The following PCNX1 variants were observed in gnomAD, a reference collection of about 807,000 sequenced individuals.
The protein encoded by PCNX1 is pecanex 1.
PCNX1 carries 78 observed loss-of-function variants against 242.2 expected under a neutral mutation model. The ratio of observed to expected loss-of-function variants is 0.32; its 90% CI spans 0.27 to 0.39. The LOEUF is 0.39. PCNX1 is among the 10% of genes least tolerant of loss of function. The pLI, the probability that PCNX1 is intolerant of heterozygous loss-of-function variation, is 1.00. For missense variants in PCNX1, 2,581 were observed against 2,856.5 expected, an observed-to-expected ratio of 0.90 and a Z score of 2.20; for synonymous variants, 1,024 against 1,032.9, an observed-to-expected ratio of 0.99 and a Z score of 0.17.
Position 70,977,507 on chromosome 14 carries a change from C to T in PCNX1, c.1170C>T (p.Asp390=), listed in dbSNP as rs1328146554. 1 of 1,614,120 alleles carries T rather than the reference C, an allele frequency of 6.2e-7. No homozygotes were observed. The highest frequency in any genetic ancestry group is 1.1e-5 in the South Asian group (1 of 91,086). The change falls in exon 6 of 36, where the codon GAC becomes GAT. Residue 390 remains aspartate, a synonymous_variant. Transcript: ENST00000304743. The part of the protein sequence containing the change: ...GSTESYCSGT[D]RDTNSTVSSY... ...CAGAAAGCTACTGCAGTGGAACGGA[C>T]CGGGACACTAACAGTACTGTCAGCA...
chr14:70,951,356 AT>A (rs2057770131), intron 2 of PCNX1, among the ~76,000 whole-genome samples: 1 of 151,136 alleles, frequency 6.6e-6, no homozygotes, highest in African/African-American at 2.4e-5. Flanking sequence ...TGATATTATT[AT>A]TTTTTTGGGG....
At chr14:70,989,799 T>A (rs1355675566) in intron 7 of PCNX1, among the ~76,000 whole-genome samples, 2 of 152,164 alleles carry the variant, frequency 1.3e-5, no homozygotes, top group East Asian at 3.8e-4. Flanking sequence ...CGCAAAGTGC[T>A]GGAATTAGGG....
intron 1 of PCNX1, among the ~76,000 whole-genome samples, chr14:70,911,316 G>A (rs1216226861): frequency 2.1e-5 from 3 of 142,742 alleles, no homozygotes; most frequent in South Asian, 4.8e-4. Flanking sequence ...TGGAGAGATC[G>A]TACATTAAGT....
intron 30 of PCNX1, among the ~76,000 whole-genome samples, chr14:71,091,398 C>T (rs2062126394): frequency 6.6e-6 from 1 of 152,176 alleles, no homozygotes; most frequent in Non-Finnish European, 1.5e-5. Flanking sequence ...AACAATTCTA[C>T]TTCTAGATGT....
At chr14:71,061,960 G>A (rs188783792) in intron 26 of PCNX1, among the ~76,000 whole-genome samples, 1 of 152,100 alleles carries the variant, frequency 6.6e-6, no homozygotes, top group Non-Finnish European at 1.5e-5. Flanking sequence ...ACAGTGAAGG[G>A]TTTTAGCAGA....
chr14:71,018,974 A>G, intron 11 of PCNX1, 35 bp from the exon 12 acceptor site: 1 of 1,562,366 alleles, frequency 6.4e-7, no homozygotes, highest in African/African-American at 1.4e-5. Flanking sequence ...TCTTATACTT[A>G]AGATATACTT....
At chr14:70,950,154 C>T (rs1218434370) in intron 2 of PCNX1, among the ~76,000 whole-genome samples, 5 of 152,030 alleles carry the variant, frequency 3.3e-5, no homozygotes, top group Non-Finnish European at 2.9e-5. Context: ...TAATTAAACA[C>T]GTATTTTAGC....
At chr14:70,919,115 C>T (rs1024456469) in intron 1 of PCNX1, among the ~76,000 whole-genome samples, 3 of 151,916 alleles carry the variant, frequency 2.0e-5, no homozygotes, top group African/African-American at 7.3e-5. Flanking sequence ...AACTCCTGGC[C>T]TCAAATGATC....
chr14:71,031,447 C>G (rs1306238862), intron 16 of PCNX1, among the ~76,000 whole-genome samples: 2 of 152,192 alleles, frequency 1.3e-5, no homozygotes, highest in Admixed American at 1.3e-4. Flanking sequence ...GTCCAGAAGC[C>G]CTGGCACAGG....
At chr14:70,983,914 T>C (rs1162512272) in intron 6 of PCNX1, among the ~76,000 whole-genome samples, 2 of 151,450 alleles carry the variant, frequency 1.3e-5, no homozygotes, top group Non-Finnish European at 3.0e-5. Context: ...TTAGATAAAG[T>C]GGATTTCATG....
intron 31 of PCNX1, among the ~76,000 whole-genome samples, chr14:71,102,917 T>G (rs1028633057): frequency 6.6e-6 from 1 of 152,190 alleles, no homozygotes; most frequent in Non-Finnish European, 1.5e-5. Flanking sequence ...GTTAAATAGT[T>G]CATTCTAACT....
chr14:70,958,978 T>C (rs151049952), intron 2 of PCNX1, among the ~76,000 whole-genome samples: 4 of 131,358 alleles, frequency 3.0e-5, no homozygotes, highest in African/African-American at 1.1e-4. Context: ...TCCTCTGTAA[T>C]GTCCAACACA....
chr14:70,956,458 C>T (rs944301071), intron 2 of PCNX1, among the ~76,000 whole-genome samples: 6 of 151,974 alleles, frequency 3.9e-5, no homozygotes, highest in Admixed American at 2.0e-4. Context: ...ACTCAGGAGG[C>T]GGAGGTGGGA....
intron 6 of PCNX1, among the ~76,000 whole-genome samples, chr14:70,987,268 A>G (rs1183753537): frequency 1.3e-5 from 2 of 152,218 alleles, no homozygotes; most frequent in Non-Finnish European, 2.9e-5. Context: ...GAAATGTTCT[A>G]TATCTGCACT....
intron 16 of PCNX1, chr14:71,031,576 G>T (rs2060384883): frequency 2.0e-6 from 1 of 491,698 alleles, no homozygotes; most frequent in Admixed American, 3.0e-5. Flanking sequence ...TGAGACAGAA[G>T]GGGACTCAGT....
At position 70,946,787 on chromosome 14, in the gene PCNX1, G is replaced by T. The variant is rs1331299089; in HGVS notation, c.154-128G>T. The T allele has an allele frequency of 4.2e-6, 3 of 709,426 alleles. No homozygotes were observed. In the African/African-American group the frequency reaches 5.4e-5, roughly 13 times the overall value. The allele number at this position is 709,426 out of a possible 1,614,324, so 43.9% of individuals were successfully genotyped here. A position where few individuals can be genotyped will look rare whatever the true frequency, so the allele number is the denominator to read the frequency against. On this transcript the variant is annotated intron_variant, in intron 1 of 35. Coordinates refer to ENST00000304743, the MANE Select transcript of PCNX1 (RefSeq NM_014982.3). ...GGCATTGAAGCTGCTAAGTTTTGCA[G>T]CTTAGCGCTAGTAACATAGTTGTTG...
intron 8 of PCNX1, among the ~76,000 whole-genome samples, chr14:70,996,892 T>A (rs1018407742): frequency 6.6e-6 from 1 of 152,176 alleles, no homozygotes; most frequent in Non-Finnish European, 1.5e-5. Flanking sequence ...CTCTTTTTTC[T>A]ATTTTGTAAA....
In PCNX1 at chr14:71,090,027, A is replaced by G. The variant is rs138775056; in HGVS notation, c.5589+685A>G. On this transcript the variant is annotated intron_variant, in intron 30 of 35. Transcript: ENST00000304743. ...ATAATACTTATTTTGACTTCATATT[A>G]TTGCAATTCCTGCCTATTCCCTGTA... Among the ~76,000 whole-genome samples, 1,222 of 152,316 alleles carry G rather than the reference A, an allele frequency of 8.0e-3. 6 individuals carry two copies. The highest frequency in any genetic ancestry group is 0.014 in the Admixed American group (218 of 15,306).
chr14:71,014,349 G>A (rs960018032), intron 11 of PCNX1, among the ~76,000 whole-genome samples: 1 of 152,178 alleles, frequency 6.6e-6, no homozygotes, highest in African/African-American at 2.4e-5. Flanking sequence ...GATTCACAAT[G>A]TCTAGCATTC....
Sources: allele counts gnomAD v4.1 joint callset (sites outside exome capture counted in the v4.1 genomes callset), GRCh38; gene constraint gnomAD v4.1.1; transcripts MANE v1.5; gene names NCBI Gene and HGNC (gene_info 2026-07-23, HGNC 2026-07-21).